STXBP5: variants seen among roughly 807,000 people sequenced by gnomAD.
The protein encoded by STXBP5 is syntaxin binding protein 5.
In STXBP5, 50 loss-of-function variants were observed where a neutral mutation model predicts 152.4. That is an observed-to-expected ratio of 0.33 (90% confidence interval 0.26 to 0.42). STXBP5 has a LOEUF of 0.42. Among genes scored for constraint, STXBP5 ranks in the 10% least tolerant of loss-of-function variants. STXBP5 has a pLI of 1.00. For missense variants in STXBP5, 1,167 were observed against 1,388.6 expected (o/e 0.84, Z 2.54); for synonymous variants, 492 against 494.7 (o/e 0.99, Z 0.07).
At chr6:147,333,180 C>G (rs1311888608) in intron 18 of STXBP5, among the ~76,000 whole-genome samples, 4 of 152,018 alleles carry the variant, frequency 2.6e-5, no homozygotes, top group South Asian at 4.1e-4. Context: ...CTGTAAAAAC[C>G]AGGTTTTCTT....
At chr6:147,338,648 T>C (rs1474701567) in intron 19 of STXBP5, among the ~76,000 whole-genome samples, 1 of 151,802 alleles carries the variant, frequency 6.6e-6, no homozygotes, top group East Asian at 1.9e-4. Flanking sequence ...TTTGAACATA[T>C]CTACAAATAT....
At chr6:147,315,487 T>G (rs1246408036) in intron 14 of STXBP5, 28 bp from the exon 15 acceptor site, 48 of 1,428,076 alleles carry the variant, frequency 3.4e-5, no homozygotes, top group Non-Finnish European at 4.6e-5. Context: ...TATATTAAAG[T>G]ATCTGACATA....
intron 8 of STXBP5, among the ~76,000 whole-genome samples, chr6:147,282,392 G>T (rs917599615): frequency 6.6e-6 from 1 of 152,158 alleles, no homozygotes; most frequent in Non-Finnish European, 1.5e-5. Flanking sequence ...TTCCCTGGCA[G>T]TCAGACAACC....
intron 19 of STXBP5, 52 bp downstream of exon 19, chr6:147,334,274 G>T: frequency 6.6e-7 from 1 of 1,521,456 alleles, no homozygotes; most frequent in African/African-American, 1.4e-5. Context: ...CAAAATCCAA[G>T]ATAGCATACT....
intron 2 of STXBP5, among the ~76,000 whole-genome samples, chr6:147,219,254 A>G (rs532627900): frequency 1.3e-5 from 2 of 152,316 alleles, no homozygotes; most frequent in South Asian, 2.1e-4. Context: ...CTAGACTTGC[A>G]TACCTGGTAT....
intron 21 of STXBP5, 29 bp downstream of exon 21, chr6:147,339,413 C>A (rs1438484083): frequency 9.6e-6 from 14 of 1,453,570 alleles, no homozygotes; most frequent in African/African-American, 1.5e-5. Context: ...TATTTTGTTT[C>A]TAATCCTTGC....
chr6:147,321,554 A>T (rs1169627220), intron 16 of STXBP5, among the ~76,000 whole-genome samples: 2 of 152,326 alleles, frequency 1.3e-5, no homozygotes, highest in African/African-American at 4.8e-5. Context: ...CCAGGGTGAC[A>T]GAGTGAGTTT....
intron 27 of STXBP5, 115 bp from the exon 28 acceptor site, chr6:147,384,599 A>AG (rs1188479994): frequency 1.0e-6 from 1 of 998,912 alleles, no homozygotes; most frequent in Non-Finnish European, 1.6e-6. Context: ...AGCATATAGT[A>AG]GCACTACAGA....
chr6:147,214,232 G>A (rs1334519132), intron 2 of STXBP5, among the ~76,000 whole-genome samples: 1 of 152,078 alleles, frequency 6.6e-6, no homozygotes, highest in African/African-American at 2.4e-5. Context: ...CTGTATATCT[G>A]TATTATCATT....
At chr6:147,337,035 A>G (rs1197472396) in intron 19 of STXBP5, among the ~76,000 whole-genome samples, 1 of 152,042 alleles carries the variant, frequency 6.6e-6, no homozygotes, top group Non-Finnish European at 1.5e-5. Context: ...GAGAAAGTTA[A>G]TTCTGCCTAC....
At position 147,204,788 on chromosome 6, in the gene STXBP5, A is replaced by G; in HGVS notation, c.150+106A>G. On this transcript the variant is annotated intron_variant, in intron 1 of 27. Transcript: ENST00000321680. This position sits in a 1 kb window ranked among gnomAD's most constrained non-coding sequence, Gnocchi z 4.3. Reference sequence around the variant, plus strand: ...GAATGCAAGGGAAGAGAACGCCAATAATAATAATAATAACTCTAATAAAAG... The same window carrying G: ...GAATGCAAGGGAAGAGAACGCCAATGATAATAATAATAACTCTAATAAAAG... The G allele has an allele frequency of 3.3e-6, 4 of 1,198,030 alleles. No homozygotes were observed. The highest frequency in any genetic ancestry group is 2.2e-4 in the Middle Eastern group (1 of 4,566). The allele number at this position is 1,198,030 out of a possible 1,614,324, so 74.2% of individuals were successfully genotyped here.
intron 22 of STXBP5, among the ~76,000 whole-genome samples, chr6:147,356,615 TA>T (rs1019175046): frequency 7.1e-4 from 108 of 152,102 alleles, no homozygotes; most frequent in African/African-American, 2.3e-3. Context: ...AACTACAGTT[TA>T]AAAAAATGAT....
chr6:147,240,917 T>C (rs979195350), intron 4 of STXBP5, among the ~76,000 whole-genome samples: 2 of 152,166 alleles, frequency 1.3e-5, no homozygotes, highest in Non-Finnish European at 2.9e-5. Context: ...ATGAGGTAAC[T>C]GGTGACTTTT....
At chr6:147,307,470 C>A (rs1308026051) in intron 9 of STXBP5, among the ~76,000 whole-genome samples, 1 of 152,058 alleles carries the variant, frequency 6.6e-6, no homozygotes, top group Non-Finnish European at 1.5e-5. Context: ...CAAATGCTTA[C>A]AAAAACTTTA....
At position 147,260,745 on chromosome 6, in the gene STXBP5, G is replaced by A. The variant is rs1426505079; in HGVS notation, c.562G>A (p.Glu188Lys). 1.2e-6 allele frequency: 2 copies of A among 1,612,598 alleles called. No individual in the cohort carries two copies. The highest frequency in any genetic ancestry group is 3.3e-5 in the Admixed American group (2 of 59,824). ...GYVIMWNKAI[E>K]LSSKSHPGPV... ...CGTCATTATGTGGAATAAAGCCATT[G>A]AACTGTGAGTTTGAACAAATATTTT... Residue 188 changes from glutamate (E) to lysine (K), a missense_variant, in exon 5 of 28, where the codon GAA (glutamate) becomes AAA (lysine). By Grantham distance (56) the Glu-to-Lys change is moderately conservative. This residue lies in a region of STXBP5 where 310 missense variants were observed against 346.1 expected (regional missense o/e 0.90). Coordinates refer to ENST00000321680, the MANE Select transcript of STXBP5 (RefSeq NM_001127715.4).
chr6:147,255,629 T>TGAG, intron 4 of STXBP5, among the ~76,000 whole-genome samples: 1 of 152,046 alleles, frequency 6.6e-6, no homozygotes, highest in East Asian at 2.0e-4. Flanking sequence ...GCAATCCTCC[T>TGAG]GCCTCAGCCT....
At chr6:147,277,856 A>C (rs1394416425) in intron 7 of STXBP5, among the ~76,000 whole-genome samples, 2 of 152,124 alleles carry the variant, frequency 1.3e-5, no homozygotes, top group African/African-American at 4.8e-5. Flanking sequence ...CTTTATGCTG[A>C]TTTAAGGAGT....
intron 13 of STXBP5, 24 bp downstream of exon 13, chr6:147,314,355 A>T: frequency 3.1e-6 from 5 of 1,590,792 alleles, no homozygotes; most frequent in Non-Finnish European, 4.3e-6. Flanking sequence ...TGTCTTCACC[A>T]AGTAAATCTA....
chr6:147,281,828 G>C (rs1780717176), intron 8 of STXBP5, among the ~76,000 whole-genome samples: 1 of 152,314 alleles, frequency 6.6e-6, no homozygotes, highest in African/African-American at 2.4e-5. Flanking sequence ...TATAACATGG[G>C]ATTTTGAAGC....
Sources: gnomAD v4.1 joint callset for allele counts (sites outside exome capture counted in the v4.1 genomes callset) on GRCh38, gnomAD v4.1.1 for gene constraint, gnomAD v4.1.1 regional missense constraint, Gnocchi (gnomAD v3.1) non-coding constraint, MANE v1.5 for transcripts, NCBI Gene and HGNC (gene_info 2026-07-23, HGNC 2026-07-21) for gene names.